Variants in OPCML observed in about 807,000 individuals in gnomAD.
OPCML encodes the protein opioid-binding protein/cell adhesion molecule.
OPCML carries 13 observed loss-of-function variants against 37.8 expected under a neutral mutation model. The observed-to-expected ratio is 0.34, with a 90% CI of 0.22 to 0.55. OPCML has a LOEUF of 0.55. Among genes scored for constraint, OPCML ranks in the 20% least tolerant of loss-of-function variants. OPCML has a pLI of 0.91. For missense variants in OPCML, 341 were observed against 435.6 expected (o/e 0.78, Z 1.93); for synonymous variants, 176 against 168.8 (o/e 1.04, Z -0.33).
rs190894655 is a variant in OPCML, at chr11:132,848,526, C to A, written c.146+94400G>T. Among the ~76,000 whole-genome samples, 9 of 152,300 alleles carry A rather than the reference C, an allele frequency of 5.9e-5. No individual in the cohort carries two copies. In the East Asian group the frequency reaches 1.7e-3, roughly 29 times the overall value. Reference sequence around the variant, plus strand: ...ATGCCTATGTGTGCTTGGGCTCTGACCACAACATCTCCAGGGAGACATGCT... The same window carrying A: ...ATGCCTATGTGTGCTTGGGCTCTGAACACAACATCTCCAGGGAGACATGCT... On this transcript the variant is annotated intron_variant, in intron 2 of 7. Coordinates refer to ENST00000524381, the MANE Select transcript of OPCML (RefSeq NM_001012393.5).
At chr11:133,234,364 T>G (rs573962204) in intron 1 of OPCML, among the ~76,000 whole-genome samples, 1 of 152,340 alleles carries the variant, frequency 6.6e-6, no homozygotes, top group African/African-American at 2.4e-5. Context: ...AGAGGCTTCT[T>G]CTCTCTCTAG....
At chr11:132,826,426 C>A (rs1056426437) in intron 2 of OPCML, among the ~76,000 whole-genome samples, 1 of 152,100 alleles carries the variant, frequency 6.6e-6, no homozygotes, top group Non-Finnish European at 1.5e-5. Context: ...TTCCTTTGAA[C>A]ACAAGTAGTG....
chr11:133,001,042 C>T (rs1416590105), intron 1 of OPCML, among the ~76,000 whole-genome samples: 3 of 152,216 alleles, frequency 2.0e-5, no homozygotes, highest in Non-Finnish European at 4.4e-5. Flanking sequence ...CACTAGAAGA[C>T]AGCAGATGTA....
chr11:132,697,957 A>T (rs909340980), intron 2 of OPCML, among the ~76,000 whole-genome samples: 1 of 148,736 alleles, frequency 6.7e-6, no homozygotes, highest in Non-Finnish European at 1.5e-5. Context: ...TTTTATATTA[A>T]TTTATTTTAT....
intron 1 of OPCML, among the ~76,000 whole-genome samples, chr11:133,227,465 A>G (rs905052515): frequency 6.6e-6 from 1 of 152,084 alleles, no homozygotes; most frequent in Admixed American, 6.5e-5. Context: ...GAGGACACGA[A>G]TCCCACACGT....
intron 1 of OPCML, among the ~76,000 whole-genome samples, chr11:133,075,965 AG>A (rs1269968390): frequency 6.6e-6 from 1 of 152,214 alleles, no homozygotes; most frequent in African/African-American, 2.4e-5. Flanking sequence ...GATGACTTAA[AG>A]GATATAAAAT....
intron 1 of OPCML, among the ~76,000 whole-genome samples, chr11:133,481,755 T>G (rs2093305865): frequency 6.6e-6 from 1 of 152,158 alleles, no homozygotes; most frequent in Admixed American, 6.5e-5. Flanking sequence ...GAAAGTTAAA[T>G]GAAATAATGT....
At chr11:133,072,651 G>A (rs144259807) in intron 1 of OPCML, among the ~76,000 whole-genome samples, 286 of 152,286 alleles carry the variant, frequency 1.9e-3, no homozygotes, top group African/African-American at 6.4e-3. Flanking sequence ...AGGAGAGTGC[G>A]CTACGTATTG....
rs77789413 is a variant in OPCML, at chr11:133,443,113, A to G, written c.61+89151T>C. On this transcript the variant is annotated intron_variant, in intron 1 of 7. Coordinates refer to ENST00000524381, the MANE Select transcript of OPCML (RefSeq NM_001012393.5). ...AAACGCAGACAATCTAAACAAGAAC[A>G]TCAGACAGCACATTATTGTAATAGT... 1.2e-4 allele frequency among the ~76,000 whole-genome samples: 19 copies of G among 152,370 alleles called. No individual in the cohort carries two copies. In the East Asian group the frequency reaches 1.5e-3, roughly 12 times the overall value.
intron 1 of OPCML, among the ~76,000 whole-genome samples, chr11:133,330,859 T>A (rs997674702): frequency 3.9e-5 from 6 of 152,288 alleles, no homozygotes; most frequent in Admixed American, 3.9e-4. Context: ...AAAAAAATGT[T>A]CTCATTTGCA....
chr11:132,521,954 C>T (rs898124232), intron 4 of OPCML, among the ~76,000 whole-genome samples: 7 of 152,308 alleles, frequency 4.6e-5, no homozygotes, highest in Middle Eastern at 3.4e-3. Flanking sequence ...ACAGCTCCAT[C>T]AACCCAAGGC....
At chr11:132,678,342 G>A (rs1942799256) in intron 2 of OPCML, among the ~76,000 whole-genome samples, 1 of 152,180 alleles carries the variant, frequency 6.6e-6, no homozygotes, top group African/African-American at 2.4e-5. Flanking sequence ...TGACAGTTTT[G>A]TACAAAATTA....
chr11:132,819,012 GA>G (rs528161693), intron 2 of OPCML, among the ~76,000 whole-genome samples: 3,339 of 121,054 alleles, frequency 0.028, 62 homozygotes, highest in African/African-American at 0.065. Flanking sequence ...TTACAAAGTC[GA>G]AAAAAAAAAA....
At chr11:132,558,168 C>G (rs979010525) in intron 3 of OPCML, among the ~76,000 whole-genome samples, 2 of 152,020 alleles carry the variant, frequency 1.3e-5, no homozygotes, top group Admixed American at 6.5e-5. Context: ...CTTCAGTTTT[C>G]CCCTTCTCCA....
chr11:133,466,291 A>G (rs1022538914), intron 1 of OPCML, among the ~76,000 whole-genome samples: 1 of 152,268 alleles, frequency 6.6e-6, no homozygotes, highest in Non-Finnish European at 1.5e-5. Context: ...ACTTAACAGT[A>G]TAATCCAAGA....
intron 2 of OPCML, among the ~76,000 whole-genome samples, chr11:132,870,552 A>G (rs1221383072): frequency 1.3e-5 from 2 of 152,176 alleles, no homozygotes; most frequent in Non-Finnish European, 2.9e-5. Context: ...ATTTCTGGGT[A>G]TATGTCCAAA....
chr11:132,694,174 A>T (rs923583414), intron 2 of OPCML, among the ~76,000 whole-genome samples: 1 of 127,026 alleles, frequency 7.9e-6, no homozygotes, highest in Admixed American at 8.3e-5. Flanking sequence ...CTGTGAAATC[A>T]ATGTCTTTTT....
intron 2 of OPCML, among the ~76,000 whole-genome samples, chr11:132,693,352 A>G (rs529122457): frequency 6.6e-6 from 1 of 152,300 alleles, no homozygotes; most frequent in South Asian, 2.1e-4. Context: ...ACTTTGATGA[A>G]TGCCTACCTT....
intron 4 of OPCML, among the ~76,000 whole-genome samples, chr11:132,438,814 G>C (rs2096022045): frequency 1.3e-5 from 2 of 151,964 alleles, no homozygotes; most frequent in South Asian, 2.1e-4. Flanking sequence ...TAAGGAGGCA[G>C]GTACTTAGGT....
Sources: gnomAD v4.1 joint callset for allele counts (sites outside exome capture counted in the v4.1 genomes callset) on GRCh38, gnomAD v4.1.1 for gene constraint, MANE v1.5 for transcripts, NCBI Gene and HGNC (gene_info 2026-07-23, HGNC 2026-07-21) for gene names.